Variants in CLYBL observed in about 807,000 individuals in gnomAD.
CLYBL encodes the protein citramalyl-CoA lyase.
In CLYBL, 31 loss-of-function variants were observed where a neutral mutation model predicts 38.9. The observed-to-expected ratio is 0.80, with a 90% CI of 0.60 to 1.08. The LOEUF is 1.08. Among genes scored for constraint, CLYBL ranks in the 50% least tolerant of loss-of-function variants. The probability of loss-of-function intolerance (pLI) is 0.00; values close to 1 mark genes in which losing one functional copy is unlikely to be tolerated. For missense variants in CLYBL, 434 were observed against 411.6 expected, an observed-to-expected ratio of 1.05 and a Z score of -0.47; for synonymous variants, 171 against 158.6, an observed-to-expected ratio of 1.08 and a Z score of -0.59.
At chr13:99,643,480 G>A (rs1186900830) in intron 1 of CLYBL, among the ~76,000 whole-genome samples, 1 of 152,104 alleles carries the variant, frequency 6.6e-6, no homozygotes, top group East Asian at 1.9e-4. Flanking sequence ...AAACCAAGGG[G>A]CATATGCATT....
intron 1 of CLYBL, among the ~76,000 whole-genome samples, chr13:99,640,325 T>C (rs986331460): frequency 6.6e-6 from 1 of 152,242 alleles, no homozygotes; most frequent in Non-Finnish European, 1.5e-5. Flanking sequence ...TTTATGTTCA[T>C]TGTCGTAAAA....
intron 2 of CLYBL, among the ~76,000 whole-genome samples, chr13:99,825,976 C>T (rs1485237041): frequency 6.6e-6 from 1 of 152,226 alleles, no homozygotes; most frequent in Admixed American, 6.5e-5. Context: ...GCCAGTATAT[C>T]GTAACTCACA....
At chr13:99,623,607 G>C (rs2046827810) in intron 1 of CLYBL, among the ~76,000 whole-genome samples, 1 of 151,962 alleles carries the variant, frequency 6.6e-6, no homozygotes. Flanking sequence ...TCCCTCCTTA[G>C]GTCCAGAGAC....
intron 1 of CLYBL, among the ~76,000 whole-genome samples, chr13:99,673,900 C>A (rs1250759562): frequency 6.6e-6 from 1 of 152,048 alleles, no homozygotes; most frequent in African/African-American, 2.4e-5. Context: ...TGTTTCGAAG[C>A]AGAATCAATG....
intron 1 of CLYBL, among the ~76,000 whole-genome samples, chr13:99,711,705 TTTTTTTA>T (rs1057488265): frequency 6.7e-5 from 10 of 148,342 alleles, no homozygotes; most frequent in African/African-American, 2.0e-4. Flanking sequence ...CGCACGCAGC[TTTTTTTA>T]TTTTTTATTT....
chr13:99,782,626 C>CT (rs1014960283), intron 2 of CLYBL, among the ~76,000 whole-genome samples: 8 of 151,952 alleles, frequency 5.3e-5, no homozygotes, highest in East Asian at 1.9e-4. Context: ...AACAAAAGTC[C>CT]TTTTTTTTCC....
chr13:99,683,230 C>T (rs1233006180), intron 1 of CLYBL, among the ~76,000 whole-genome samples: 1 of 150,152 alleles, frequency 6.7e-6, no homozygotes, highest in Non-Finnish European at 1.5e-5. Context: ...TGCAGGTGCC[C>T]CCCCCTACAC....
intron 1 of CLYBL, among the ~76,000 whole-genome samples, chr13:99,676,182 G>GTCCGTCCGTCCT (rs2047642435): frequency 1.2e-5 from 1 of 84,810 alleles, no homozygotes; most frequent in South Asian, 3.7e-4. Flanking sequence ...CCTTCCCTCC[G>GTCCGTCCGTCCT]TCCGTCCTTC....
chr13:99,709,180 C>T (rs1201659559), intron 1 of CLYBL, among the ~76,000 whole-genome samples: 1 of 152,090 alleles, frequency 6.6e-6, no homozygotes, highest in Non-Finnish European at 1.5e-5. Context: ...AATTTGGGCA[C>T]AGAGATAGAC....
intron 3 of CLYBL, among the ~76,000 whole-genome samples, chr13:99,861,176 C>T (rs374512798): frequency 1.3e-5 from 2 of 152,130 alleles, no homozygotes; most frequent in Admixed American, 6.6e-5. Flanking sequence ...TTAATTGAAA[C>T]TTCTCCACTA....
intron 2 of CLYBL, among the ~76,000 whole-genome samples, chr13:99,831,363 A>G (rs2050799836): frequency 6.6e-6 from 1 of 152,136 alleles, no homozygotes; most frequent in South Asian, 2.1e-4. Context: ...AATTAACATC[A>G]TGGTTGTTCT....
In CLYBL at chr13:99,764,040, C is replaced by A. The variant is rs566200214; in HGVS notation, c.63-8784C>A. On this transcript the variant is annotated intron_variant, in intron 1 of 8. Transcript: ENST00000339105. The stretch of plus-strand genomic sequence containing the variant: ...GAGTATTGGAGTATTCATTCCTCTT[C>A]AAAAAAAAAAATTTTTTTTTGAGAC... Among the ~76,000 whole-genome samples, 129 of 148,352 alleles carry A rather than the reference C, an allele frequency of 8.7e-4. 2 individuals are homozygous for A. The highest frequency in any genetic ancestry group is 2.7e-3 in the African/African-American group (109 of 40,474).
chr13:99,656,436 G>T (rs561219982), intron 1 of CLYBL, among the ~76,000 whole-genome samples: 1 of 152,106 alleles, frequency 6.6e-6, no homozygotes. Context: ...TCTCTTGATC[G>T]TCTACAGATA....
At chr13:99,807,361 C>T (rs2050252225) in intron 2 of CLYBL, among the ~76,000 whole-genome samples, 1 of 152,164 alleles carries the variant, frequency 6.6e-6, no homozygotes. Context: ...ATTCAGTTAT[C>T]CATAAGGATT....
At chr13:99,612,652 T>A (rs1367150189) in intron 1 of CLYBL, among the ~76,000 whole-genome samples, 1 of 152,228 alleles carries the variant, frequency 6.6e-6, no homozygotes, top group East Asian at 1.9e-4. Context: ...CCTCCGAAAG[T>A]GCTGGGATTA....
chr13:99,840,437 G>A (rs2051043707), intron 2 of CLYBL, among the ~76,000 whole-genome samples: 1 of 151,854 alleles, frequency 6.6e-6, no homozygotes, highest in South Asian at 2.1e-4. Flanking sequence ...CATAGCGACA[G>A]CCTGTCTCTA....
chr13:99,659,302 A>G (rs1401539492), intron 1 of CLYBL, among the ~76,000 whole-genome samples: 1 of 152,122 alleles, frequency 6.6e-6, no homozygotes, highest in African/African-American at 2.4e-5. Context: ...CTGTAGAATC[A>G]GTGATTGCCC....
intron 2 of CLYBL, among the ~76,000 whole-genome samples, chr13:99,828,866 G>A (rs950658441): frequency 2.6e-5 from 4 of 151,994 alleles, no homozygotes; most frequent in African/African-American, 9.7e-5. Context: ...GCTCCATCAC[G>A]GTGTCCAAAA....
intron 7 of CLYBL, among the ~76,000 whole-genome samples, chr13:99,890,688 G>C (rs543535842): frequency 1.3e-4 from 20 of 152,180 alleles, no homozygotes; most frequent in Middle Eastern, 3.4e-3. Context: ...GGCTGGTCTT[G>C]AACTCCTGAC....
Sources: gnomAD v4.1 joint callset for allele counts (sites outside exome capture counted in the v4.1 genomes callset) on GRCh38, gnomAD v4.1.1 for gene constraint, MANE v1.5 for transcripts, NCBI Gene and HGNC (gene_info 2026-07-23, HGNC 2026-07-21) for gene names.